The following ITCH variants were observed in gnomAD, a reference collection of about 807,000 sequenced individuals.
The protein encoded by ITCH is itchy E3 ubiquitin protein ligase.
In ITCH, 28 loss-of-function variants were observed where a neutral mutation model predicts 126.8. The ratio of observed to expected loss-of-function variants is 0.22; its 90% CI spans 0.16 to 0.30. The LOEUF is 0.30. ITCH is among the 10% of genes least tolerant of loss of function. ITCH has a pLI of 1.00. For synonymous variants in ITCH, 342 were observed against 340.0 expected, an observed-to-expected ratio of 1.01 and a Z score of -0.06; for missense variants, 631 against 1,032.4, an observed-to-expected ratio of 0.61 and a Z score of 5.33.
intron 2 of ITCH, among the ~76,000 whole-genome samples, chr20:34,372,454 C>T (rs1333113694): frequency 1.5e-5 from 2 of 133,624 alleles, no homozygotes; most frequent in Non-Finnish European, 3.1e-5. Flanking sequence ...AATCTCAGCT[C>T]ACTGCAACCT....
chr20:34,383,677 A>G lies in ITCH; in HGVS notation c.-21-10114A>G, dbSNP rs550587739. Among the ~76,000 whole-genome samples the G allele has an allele frequency of 1.3e-5, 2 of 150,442 alleles. 1 individual carries two copies. Among genetic ancestry groups the G allele is most frequent in the African/African-American group, 4.9e-5 (2 of 41,020 alleles). On this transcript the variant is annotated intron_variant, in intron 2 of 24. Transcript: ENST00000374864. ...CACTGTCACTGTGCCTGGCTGATATATATATGTGTGTATTTATTATTATTT... is the reference window on the plus strand; with the variant it reads ...CACTGTCACTGTGCCTGGCTGATATGTATATGTGTGTATTTATTATTATTT...
intron 12 of ITCH, among the ~76,000 whole-genome samples, 187 bp downstream of exon 12, chr20:34,449,667 G>C (rs1334917309): frequency 6.6e-6 from 1 of 151,932 alleles, no homozygotes; most frequent in Admixed American, 6.6e-5. Context: ...CAAACATTAA[G>C]TGGACTCTTT....
intron 18 of ITCH, among the ~76,000 whole-genome samples, 193 bp downstream of exon 18, chr20:34,479,982 T>C (rs1332077867): frequency 6.6e-6 from 1 of 152,074 alleles, no homozygotes; most frequent in Non-Finnish European, 1.5e-5. Context: ...CACTGCAACC[T>C]CTGCTTCCTG....
At chr20:34,368,659 GCCTCTATCCTC>G (rs1236876640) in intron 1 of ITCH, among the ~76,000 whole-genome samples, 2 of 152,136 alleles carry the variant, frequency 1.3e-5, no homozygotes, top group African/African-American at 4.8e-5. Flanking sequence ...AGCTGTTCCT[GCCTCTATCCTC>G]CTCCAGTCTA....
chr20:34,385,321 G>T (rs933667580), intron 2 of ITCH, among the ~76,000 whole-genome samples: 1 of 146,794 alleles, frequency 6.8e-6, no homozygotes, highest in African/African-American at 2.5e-5. Context: ...CCTTGGCCTT[G>T]CAAAGTGCTG....
At chr20:34,397,556 A>G (rs550729688) in intron 3 of ITCH, among the ~76,000 whole-genome samples, 4 of 152,184 alleles carry the variant, frequency 2.6e-5, no homozygotes, top group Admixed American at 6.5e-5. Flanking sequence ...TCTTAGCATT[A>G]TTATTTTCCT....
chr20:34,475,998 C>A (rs1216379596), intron 16 of ITCH: 11 of 1,601,624 alleles, frequency 6.9e-6, no homozygotes, highest in Non-Finnish European at 8.5e-6. Context: ...GTCATATTGT[C>A]CATAGATTTT....
chr20:34,419,244 TATAAA>T (rs968394601), intron 6 of ITCH, among the ~76,000 whole-genome samples: 6 of 152,338 alleles, frequency 3.9e-5, no homozygotes, highest in South Asian at 2.1e-4. Context: ...ATGTGTAAGA[TATAAA>T]ATAAAATGAG....
intron 16 of ITCH, chr20:34,476,521 A>T: frequency 9.1e-7 from 1 of 1,094,164 alleles, no homozygotes; most frequent in Non-Finnish European, 1.1e-6. Context: ...GATAGTTTTA[A>T]CCTTGTGACA....
chr20:34,460,503 G>A (rs892787538), intron 13 of ITCH, among the ~76,000 whole-genome samples: 3 of 152,052 alleles, frequency 2.0e-5, no homozygotes, highest in Non-Finnish European at 2.9e-5. Flanking sequence ...TAAAGAGAAC[G>A]ATCAATCTAT....
At chr20:34,476,537 C>T in intron 16 of ITCH, 2 of 980,678 alleles carry the variant, frequency 2.0e-6, no homozygotes, top group Non-Finnish European at 1.3e-6. Context: ...TGACATTTCT[C>T]ATTTGCGTTG....
chr20:34,450,916 T>C (rs1985125119), intron 12 of ITCH: 1 of 152,134 alleles, frequency 6.6e-6, no homozygotes, highest in Non-Finnish European at 1.5e-5. Context: ...AACACTTCTG[T>C]GAGTCAAAAA....
chr20:34,461,974 C>CTG (rs1986565377), intron 13 of ITCH, 119 bp from the exon 14 acceptor site: 1 of 974,102 alleles, frequency 1.0e-6, no homozygotes, highest in Non-Finnish European at 1.6e-6. Context: ...AACTGAATTA[C>CTG]TGAACTGAAT....
chr20:34,426,278 A>G (rs1425276124), intron 7 of ITCH, among the ~76,000 whole-genome samples: 1 of 152,208 alleles, frequency 6.6e-6, no homozygotes, highest in South Asian at 2.1e-4. Flanking sequence ...CTGTGAGGGA[A>G]AATTATCCAC....
chr20:34,476,999 T>TA (rs1988291932), intron 16 of ITCH, among the ~76,000 whole-genome samples: 1 of 152,186 alleles, frequency 6.6e-6, no homozygotes, highest in Admixed American at 6.5e-5. Flanking sequence ...TGAGTAGTTT[T>TA]TGTAGGTAGT....
intron 10 of ITCH, among the ~76,000 whole-genome samples, chr20:34,443,696 C>G (rs1984064718): frequency 6.6e-6 from 1 of 152,120 alleles, no homozygotes; most frequent in African/African-American, 2.4e-5. Flanking sequence ...TTGTTAGTTG[C>G]TGCCGGGGCT....
chr20:34,429,095 G>A (rs1442180111), intron 7 of ITCH, among the ~76,000 whole-genome samples: 1 of 151,964 alleles, frequency 6.6e-6, no homozygotes, highest in South Asian at 2.1e-4. Context: ...GCACCACCAC[G>A]CCCAGCTAAT....
rs747872685 is a variant in ITCH at position 34,481,258 on chromosome 20, A to G, written c.2093+52A>G. On this transcript the variant is annotated intron_variant, in intron 20 of 24. Coordinates refer to ENST00000374864, the MANE Select transcript of ITCH (RefSeq NM_031483.7). ...CTTTTTGTTTGACTACAGCACATTG[A>G]TAATTGCTTACTAATACTAATGGAG... 3.9e-6 allele frequency: 6 copies of G among 1,536,364 alleles called. No individual in the cohort carries two copies. In the African/African-American group the frequency reaches 6.8e-5, roughly 17 times the overall value.
intron 7 of ITCH, among the ~76,000 whole-genome samples, chr20:34,431,774 T>G (rs1982325594): frequency 6.6e-6 from 1 of 152,034 alleles, no homozygotes; most frequent in Non-Finnish European, 1.5e-5. Context: ...TGGCGGTGGC[T>G]CACTCCTGTA....
Sources: allele counts gnomAD v4.1 joint callset (sites outside exome capture counted in the v4.1 genomes callset), GRCh38; gene constraint gnomAD v4.1.1; transcripts MANE v1.5; gene names NCBI Gene and HGNC (gene_info 2026-07-23, HGNC 2026-07-21).